CELF2: variants seen among roughly 807,000 people sequenced by gnomAD.
CELF2 encodes the protein CUGBP Elav-like family member 2.
CELF2 carries 8 observed loss-of-function variants against 62.6 expected under a neutral mutation model. The ratio of observed to expected loss-of-function variants is 0.13; its 90% CI spans 0.07 to 0.23. The LOEUF is 0.23. CELF2 is among the 10% of genes least tolerant of loss of function. The pLI, the probability that CELF2 is intolerant of heterozygous loss-of-function variation, is 1.00. For synonymous variants in CELF2, 258 were observed against 250.0 expected, an observed-to-expected ratio of 1.03 and a Z score of -0.30; for missense variants, 333 against 671.0, an observed-to-expected ratio of 0.50 and a Z score of 5.56.
Position 11,309,211 on chromosome 10 carries a change from C to G in CELF2, c.977-4928C>G, listed in dbSNP as rs1387692425. Reference sequence around the variant, plus strand: ...GTTCCCTTGCATATATCATAGCTTTCTATTAACAACAGGACATTGTAGATG... The same window carrying G: ...GTTCCCTTGCATATATCATAGCTTTGTATTAACAACAGGACATTGTAGATG... On this transcript the variant is annotated intron_variant, in intron 9 of 12. Coordinates refer to ENST00000633077, the MANE Select transcript of CELF2 (RefSeq NM_001326342.2). The surrounding 1 kb of genome is among the most constrained non-coding windows in gnomAD (Gnocchi z 5.6). 6.6e-6 allele frequency among the ~76,000 whole-genome samples: 1 copy of G among 152,206 alleles called. No homozygotes were observed. Among genetic ancestry groups the G allele is most frequent in the African/African-American group, 2.4e-5 (1 of 41,448 alleles).
intron 2 of CELF2, among the ~76,000 whole-genome samples, chr10:10,933,843 G>A (rs1484622446): frequency 6.6e-6 from 1 of 152,180 alleles, no homozygotes; most frequent in African/African-American, 2.4e-5. Flanking sequence ...CTGTTCATCT[G>A]TGGATGGGTG....
At chr10:10,930,754 G>T (rs2065975907) in intron 2 of CELF2, among the ~76,000 whole-genome samples, 1 of 152,014 alleles carries the variant, frequency 6.6e-6, no homozygotes. Context: ...ATAACCTTTT[G>T]CCATTCATTT....
chr10:10,761,902 A>G, the CELF2 span, among the ~76,000 whole-genome samples: 1 of 126,978 alleles, frequency 7.9e-6, no homozygotes, highest in South Asian at 2.7e-4. Context: ...CCTTATAATA[A>G]ACCGTGTGTG....
chr10:10,628,534 C>T, the CELF2 span, among the ~76,000 whole-genome samples: 1 of 152,110 alleles, frequency 6.6e-6, no homozygotes, highest in Non-Finnish European at 1.5e-5. Context: ...TCTGCTGTCA[C>T]GGGGTCAAAA....
rs879558627 is a variant in CELF2 at position 11,220,428 on chromosome 10, A to G, written c.354+2921A>G. Among the ~76,000 whole-genome samples, 1 of 152,206 alleles carries G rather than the reference A, an allele frequency of 6.6e-6. No individual in the cohort carries two copies. The highest frequency in any genetic ancestry group is 2.4e-5 in the African/African-American group (1 of 41,454). On this transcript the variant is annotated intron_variant, in intron 3 of 12. Coordinates refer to ENST00000633077, the MANE Select transcript of CELF2 (RefSeq NM_001326342.2). The surrounding 1 kb of genome is among the most constrained non-coding windows in gnomAD (Gnocchi z 4.4). ...GATAGGATGGTCTGTTGTGCAATCA[A>G]ATGTGTCTGCCATAAGATTTTGATT...
intron 5 of CELF2, among the ~76,000 whole-genome samples, chr10:11,265,092 C>T (rs2279807): frequency 6.6e-6 from 1 of 152,102 alleles, no homozygotes; most frequent in Non-Finnish European, 1.5e-5. Context: ...TAAAAGGTGC[C>T]GCTACAGTAT....
At chr10:10,767,526 C>G in the CELF2 span, among the ~76,000 whole-genome samples, 1 of 152,034 alleles carries the variant, frequency 6.6e-6, no homozygotes, top group Non-Finnish European at 1.5e-5. Context: ...AGAAGAGAAG[C>G]AGGGTGAGGG....
At chr10:11,030,322 T>C (rs1411247230) in intron 1 of CELF2, 1 of 152,234 alleles carries the variant, frequency 6.6e-6, no homozygotes, top group East Asian at 1.9e-4. Context: ...ATCTCACAAA[T>C]GAGGATATTG....
the CELF2 span, among the ~76,000 whole-genome samples, chr10:10,520,065 C>G: frequency 2.0e-5 from 3 of 152,194 alleles, no homozygotes; most frequent in Admixed American, 2.0e-4. Flanking sequence ...ATGGGATCTA[C>G]TAAATCTTGC....
At chr10:10,613,073 G>A in the CELF2 span, among the ~76,000 whole-genome samples, 1 of 152,170 alleles carries the variant, frequency 6.6e-6, no homozygotes, top group Non-Finnish European at 1.5e-5. Flanking sequence ...CATTCAAGGT[G>A]TAAGCATTGG....
At chr10:10,575,025 A>G in the CELF2 span, among the ~76,000 whole-genome samples, 1 of 152,030 alleles carries the variant, frequency 6.6e-6, no homozygotes, top group East Asian at 1.9e-4. Flanking sequence ...ACCTATGTTA[A>G]TGTTTAAATT....
At chr10:11,033,580 A>G (rs1320942003) in intron 1 of CELF2, among the ~76,000 whole-genome samples, 1 of 152,170 alleles carries the variant, frequency 6.6e-6, no homozygotes, top group East Asian at 1.9e-4. Flanking sequence ...TTGACAGGTT[A>G]TTTGTTGAGG....
At chr10:10,639,605 C>T in the CELF2 span, among the ~76,000 whole-genome samples, 6 of 152,164 alleles carry the variant, frequency 3.9e-5, no homozygotes, top group African/African-American at 1.4e-4. Context: ...TGATATATAT[C>T]TTTAAAATCC....
chr10:11,299,344 G>A (rs1035723839), intron 9 of CELF2, among the ~76,000 whole-genome samples: 3 of 152,232 alleles, frequency 2.0e-5, no homozygotes, highest in African/African-American at 2.4e-5. Flanking sequence ...CTGCTGTGAC[G>A]TCCCTGGGCT....
chr10:10,656,089 A>T, the CELF2 span, among the ~76,000 whole-genome samples: 7 of 149,264 alleles, frequency 4.7e-5, no homozygotes, highest in Non-Finnish European at 1.0e-4. Context: ...TCAAAAGAAG[A>T]CATTTATGCA....
At chr10:11,111,892 T>C (rs148123402) in intron 1 of CELF2, among the ~76,000 whole-genome samples, 1,992 of 152,356 alleles carry the variant, frequency 0.013, 43 homozygotes, top group Admixed American at 0.046. Context: ...GGTTGACTTA[T>C]AATAATCAAA....
At chr10:10,620,853 G>C in the CELF2 span, among the ~76,000 whole-genome samples, 1 of 142,856 alleles carries the variant, frequency 7.0e-6, no homozygotes, top group Non-Finnish European at 1.5e-5. Flanking sequence ...GGGAGGCGGA[G>C]CTTGCAGTGA....
chr10:11,148,208 C>A (rs778407418), intron 1 of CELF2, among the ~76,000 whole-genome samples: 1 of 152,146 alleles, frequency 6.6e-6, no homozygotes, highest in Non-Finnish European at 1.5e-5. Context: ...ACTAATATTA[C>A]AACTGAGAGA....
At chr10:10,672,069 G>A in the CELF2 span, among the ~76,000 whole-genome samples, 4 of 152,190 alleles carry the variant, frequency 2.6e-5, no homozygotes, top group Admixed American at 2.6e-4. Context: ...CAGGCATTTG[G>A]CCCATTTTTT....
Sources: gnomAD v4.1 joint callset for allele counts (sites outside exome capture counted in the v4.1 genomes callset) on GRCh38, gnomAD v4.1.1 for gene constraint, Gnocchi (gnomAD v3.1) non-coding constraint, MANE v1.5 for transcripts, NCBI Gene and HGNC (gene_info 2026-07-23, HGNC 2026-07-21) for gene names.